GALNT13: variants seen among roughly 807,000 people sequenced by gnomAD.
GALNT13 encodes the protein polypeptide N-acetylgalactosaminyltransferase 13, also known as UDP-GalNAc:polypeptide N-acetylgalactosaminyltransferase 13.
GALNT13 carries 28 observed loss-of-function variants against 64.2 expected under a neutral mutation model. The ratio of observed to expected loss-of-function variants is 0.44; its 90% CI spans 0.32 to 0.60. The LOEUF (loss-of-function observed/expected upper bound fraction) is 0.60. Among genes scored for constraint, GALNT13 ranks in the 20% least tolerant of loss-of-function variants. The pLI is 0.05. For missense variants in GALNT13, 577 were observed against 669.8 expected, an observed-to-expected ratio of 0.86 and a Z score of 1.53; for synonymous variants, 214 against 224.6, an observed-to-expected ratio of 0.95 and a Z score of 0.42.
At chr2:153,489,586 A>G in the GALNT13 span, among the ~76,000 whole-genome samples, 1 of 152,180 alleles carries the variant, frequency 6.6e-6, no homozygotes, top group Non-Finnish European at 1.5e-5. Flanking sequence ...GTTATATTTC[A>G]TTGTTGTAGT....
At chr2:153,174,400 T>C in the GALNT13 span, among the ~76,000 whole-genome samples, 2 of 152,032 alleles carry the variant, frequency 1.3e-5, no homozygotes, top group African/African-American at 2.4e-5. Flanking sequence ...ACAAATCACA[T>C]GCCTAATCTC....
the GALNT13 span, among the ~76,000 whole-genome samples, chr2:153,443,783 C>T: frequency 7.1e-4 from 108 of 152,052 alleles, no homozygotes; most frequent in Admixed American, 5.2e-4. Flanking sequence ...ATTAGCCGGG[C>T]GTGATGGTGG....
chr2:153,309,620 T>G, the GALNT13 span, among the ~76,000 whole-genome samples: 1 of 152,188 alleles, frequency 6.6e-6, no homozygotes, highest in South Asian at 2.1e-4. Context: ...CTGACAAGCT[T>G]CAAATATTAA....
the GALNT13 span, among the ~76,000 whole-genome samples, chr2:153,646,333 C>T: frequency 1.3e-5 from 2 of 151,736 alleles, no homozygotes; most frequent in African/African-American, 4.8e-5. Context: ...ACATCTGTAT[C>T]TGCATTTTTA....
chr2:153,476,128 AT>A, the GALNT13 span, among the ~76,000 whole-genome samples: 1 of 152,302 alleles, frequency 6.6e-6, no homozygotes, highest in East Asian at 1.9e-4. Context: ...TCTTTTCTCA[AT>A]CCTGATATCC....
At chr2:154,023,253 C>T (rs1415225519) in intron 3 of GALNT13, among the ~76,000 whole-genome samples, 1 of 152,096 alleles carries the variant, frequency 6.6e-6, no homozygotes, top group Admixed American at 6.5e-5. Context: ...TCCTTGTTAA[C>T]TTTCTGTCTC....
chr2:154,405,595 A>C (rs1317185306), intron 10 of GALNT13, among the ~76,000 whole-genome samples: 3 of 151,408 alleles, frequency 2.0e-5, no homozygotes, highest in African/African-American at 7.3e-5. Flanking sequence ...AAAAAAAAAA[A>C]AAAAAAAATT....
the GALNT13 span, among the ~76,000 whole-genome samples, chr2:153,351,010 A>T: frequency 2.0e-5 from 3 of 152,252 alleles, no homozygotes; most frequent in African/African-American, 7.2e-5. Flanking sequence ...AATATTTCTG[A>T]TGATTTGTAG....
At chr2:154,326,609 C>A (rs1027300873) in intron 9 of GALNT13, among the ~76,000 whole-genome samples, 4 of 152,164 alleles carry the variant, frequency 2.6e-5, no homozygotes, top group South Asian at 4.1e-4. Context: ...TGTTACATAA[C>A]AATTTTTCCG....
chr2:153,701,528 A>G, the GALNT13 span, among the ~76,000 whole-genome samples: 19 of 152,356 alleles, frequency 1.2e-4, no homozygotes, highest in Admixed American at 2.6e-4. Context: ...TCTGCACAGC[A>G]AAAGAAACTA....
rs1447902755 is a variant in GALNT13, at chr2:154,042,214, ATCTGAG to A, written c.142+97580_142+97585del. Among the ~76,000 whole-genome samples, 4 of 139,790 alleles carry A rather than the reference ATCTGAG, an allele frequency of 2.9e-5. No individual in the cohort carries two copies. In the East Asian group the frequency reaches 8.1e-4, roughly 28 times the overall value. The allele number at this position is 139,790 out of a possible 152,430, so 91.7% of individuals were successfully genotyped here. On this transcript the variant is annotated intron_variant, in intron 3 of 12. Coordinates refer to ENST00000392825, the MANE Select transcript of GALNT13 (RefSeq NM_052917.4). ...CTGAATATCCATTTTCACTTAACTT[ATCTGAG>A]TCTGTTACCTTGAGCATAAAACGGA...
chr2:154,225,686 A>G (rs1235185623), intron 4 of GALNT13, among the ~76,000 whole-genome samples: 1 of 152,146 alleles, frequency 6.6e-6, no homozygotes, highest in African/African-American at 2.4e-5. Context: ...TTATTTTATC[A>G]TAGTTTTACG....
At chr2:153,069,152 G>A in the GALNT13 span, among the ~76,000 whole-genome samples, 1 of 152,208 alleles carries the variant, frequency 6.6e-6, no homozygotes, top group African/African-American at 2.4e-5. Flanking sequence ...TCCAGGAGAT[G>A]TGTGCTGCCT....
At chr2:154,138,175 C>T (rs1683056035) in intron 3 of GALNT13, among the ~76,000 whole-genome samples, 1 of 152,048 alleles carries the variant, frequency 6.6e-6, no homozygotes, top group Admixed American at 6.6e-5. Flanking sequence ...TTATCACTTA[C>T]TGACAATTTA....
chr2:153,999,270 CTT>C (rs35266639), intron 3 of GALNT13, among the ~76,000 whole-genome samples: 37 of 141,368 alleles, frequency 2.6e-4, no homozygotes, highest in Non-Finnish European at 2.8e-4. Context: ...TATGAACTTC[CTT>C]TTTTTTTTTT....
At chr2:153,528,302 T>C in the GALNT13 span, among the ~76,000 whole-genome samples, 81 of 152,062 alleles carry the variant, frequency 5.3e-4, 1 homozygote, top group East Asian at 0.013. Flanking sequence ...TAAAATAGAT[T>C]TTAAGACAAA....
chr2:154,270,910 A>T (rs1691317244), intron 8 of GALNT13, among the ~76,000 whole-genome samples: 1 of 151,908 alleles, frequency 6.6e-6, no homozygotes, highest in Non-Finnish European at 1.5e-5. Flanking sequence ...TATCTTGAAG[A>T]TAGAGTATCA....
chr2:153,712,356 T>C, the GALNT13 span, among the ~76,000 whole-genome samples: 25 of 152,224 alleles, frequency 1.6e-4, no homozygotes, highest in Admixed American at 6.5e-5. Flanking sequence ...ACATTATATA[T>C]ATTTTTTGTC....
chr2:153,587,360 C>G, the GALNT13 span, among the ~76,000 whole-genome samples: 1 of 152,100 alleles, frequency 6.6e-6, no homozygotes, highest in African/African-American at 2.4e-5. Flanking sequence ...CTGTATGTGT[C>G]TGTTCTCACA....
Sources: allele counts gnomAD v4.1 joint callset (sites outside exome capture counted in the v4.1 genomes callset), GRCh38; gene constraint gnomAD v4.1.1; transcripts MANE v1.5; gene names NCBI Gene and HGNC (gene_info 2026-07-23, HGNC 2026-07-21).